Variants in MAGI1 observed in about 807,000 individuals in gnomAD.
MAGI1 encodes the protein membrane associated guanylate kinase, WW and PDZ domain containing 1.
MAGI1 carries 58 observed loss-of-function variants against 139.9 expected under a neutral mutation model. The observed-to-expected ratio is 0.41, with a 90% CI of 0.34 to 0.52. The LOEUF (loss-of-function observed/expected upper bound fraction) is 0.52, where lower values mean the gene tolerates loss of function less well. Among genes scored for constraint, MAGI1 ranks in the 20% least tolerant of loss-of-function variants. MAGI1 has a pLI of 0.12. For missense variants in MAGI1, 1,874 were observed against 1,901.6 expected (o/e 0.99, Z 0.27); for synonymous variants, 812 against 737.9 (o/e 1.10, Z -1.63).
chr3:65,493,412 T>A (rs1432605053), intron 3 of MAGI1, 100 bp downstream of exon 3: 3 of 1,422,544 alleles, frequency 2.1e-6, no homozygotes, highest in Non-Finnish European at 2.9e-6. Context: ...GTTATTTGTT[T>A]AGACCTCCAG....
At chr3:65,379,064 T>G (rs886190079) in intron 17 of MAGI1, 197 bp downstream of exon 17, 1 of 1,142,154 alleles carries the variant, frequency 8.8e-7, no homozygotes, top group African/African-American at 1.5e-5. Context: ...GTTGAAAGGG[T>G]TGAACAAATA....
chr3:65,945,985 A>G (rs1213403972), intron 1 of MAGI1, among the ~76,000 whole-genome samples: 1 of 152,232 alleles, frequency 6.6e-6, no homozygotes, highest in East Asian at 1.9e-4. Context: ...TATTTATTAA[A>G]TAAATTCCCT....
intron 1 of MAGI1, among the ~76,000 whole-genome samples, chr3:65,710,554 G>A (rs2031246506): frequency 6.6e-6 from 1 of 152,176 alleles, no homozygotes; most frequent in East Asian, 1.9e-4. Flanking sequence ...TGGGATTACA[G>A]GCGTGAGCCA....
intron 1 of MAGI1, among the ~76,000 whole-genome samples, chr3:65,843,231 T>C (rs980173958): frequency 2.0e-5 from 3 of 152,136 alleles, no homozygotes; most frequent in African/African-American, 7.2e-5. Context: ...CCTAGAAGGA[T>C]CCACATGCCA....
At chr3:65,761,422 G>GT (rs2107880040) in intron 1 of MAGI1, among the ~76,000 whole-genome samples, 1 of 152,222 alleles carries the variant, frequency 6.6e-6, no homozygotes, top group South Asian at 2.1e-4. Context: ...AATAGACCTA[G>GT]TACCAGTCTT....
At chr3:65,637,584 G>C (rs1576558558) in intron 1 of MAGI1, among the ~76,000 whole-genome samples, 2 of 149,694 alleles carry the variant, frequency 1.3e-5, no homozygotes, top group African/African-American at 5.0e-5. Flanking sequence ...AAGAAAGAAA[G>C]AAAGAAAGAA....
chr3:65,477,646 T>C (rs374276195), intron 4 of MAGI1, among the ~76,000 whole-genome samples: 1 of 151,960 alleles, frequency 6.6e-6, no homozygotes, highest in Non-Finnish European at 1.5e-5. Flanking sequence ...GTAAAAAATA[T>C]TCTTGAGCTC....
chr3:65,814,870 T>A (rs1575591289), intron 1 of MAGI1, among the ~76,000 whole-genome samples: 1 of 152,270 alleles, frequency 6.6e-6, no homozygotes, highest in East Asian at 1.9e-4. Context: ...TTGCTAAGAG[T>A]GTTGGCATTT....
At chr3:65,850,369 G>A (rs2059159876) in intron 1 of MAGI1, among the ~76,000 whole-genome samples, 1 of 151,978 alleles carries the variant, frequency 6.6e-6, no homozygotes, top group African/African-American at 2.4e-5. Context: ...GGCGCTTTCT[G>A]GGTTTTAAAA....
rs187873245 is a variant in MAGI1 at position 65,747,112 on chromosome 3, G to C, written c.314-125024C>G. ...GGCCAGGAAGTCAAAGCCAGCCTGA[G>C]CAACAAAGTAAGACCGTGTCTCAGT... is the stretch of plus-strand genomic sequence containing the variant. On this transcript the variant is annotated intron_variant, in intron 1 of 22. Transcript: ENST00000402939. Among the ~76,000 whole-genome samples, 658 of 152,312 alleles carry C rather than the reference G, an allele frequency of 4.3e-3. 5 individuals carry two copies. The highest frequency in any genetic ancestry group is 0.015 in the African/African-American group (631 of 41,572).
intron 22 of MAGI1, chr3:65,360,395 T>G: frequency 1.0e-6 from 1 of 963,600 alleles, no homozygotes; most frequent in Middle Eastern, 5.4e-4. Context: ...CTCAAATAAA[T>G]AGGACATAAT....
intron 1 of MAGI1, among the ~76,000 whole-genome samples, chr3:66,020,401 G>A (rs959344985): frequency 2.0e-5 from 3 of 152,142 alleles, no homozygotes; most frequent in Non-Finnish European, 4.4e-5. Context: ...TTACACTCCA[G>A]CCTCGGTGAC....
rs148503713 is a variant in MAGI1 at position 65,876,468 on chromosome 3, C to T, written c.313+161528G>A. ...AGACGGGAAAAAAGTGTGGGTTTTACGGAGTAAAACAAAATTAAATCCTCA... is the reference window on the plus strand; with the variant it reads ...AGACGGGAAAAAAGTGTGGGTTTTATGGAGTAAAACAAAATTAAATCCTCA... On this transcript the variant is annotated intron_variant, in intron 1 of 22. Coordinates refer to ENST00000402939, the MANE Select transcript of MAGI1 (RefSeq NM_001033057.2). Among the ~76,000 whole-genome samples the T allele has an allele frequency of 1.0e-3, 153 of 152,040 alleles. 1 individual carries two copies. The highest frequency in any genetic ancestry group is 3.6e-3 in the African/African-American group (151 of 41,448).
In MAGI1 at chr3:65,365,130, G is replaced by A. The variant is rs1041664246; in HGVS notation, c.3197-184C>T. On this transcript the variant is annotated intron_variant, in intron 18 of 22. Coordinates refer to ENST00000402939, the MANE Select transcript of MAGI1 (RefSeq NM_001033057.2). ...AAACCATTTTAAGATCTTCTCTGATGTGGGTCATGTATGTCCCCATGACCC... is the reference window on the plus strand; with the variant it reads ...AAACCATTTTAAGATCTTCTCTGATATGGGTCATGTATGTCCCCATGACCC... 6 of 753,370 alleles carry A rather than the reference G, an allele frequency of 8.0e-6. No homozygotes were observed. The African/African-American group carries it at 8.5e-5, about 11-fold the overall frequency. The allele number at this position is 753,370 out of a possible 1,614,324, so 46.7% of individuals were successfully genotyped here.
At chr3:65,631,111 T>A (rs1640333027) in intron 1 of MAGI1, among the ~76,000 whole-genome samples, 2 of 152,160 alleles carry the variant, frequency 1.3e-5, no homozygotes, top group Admixed American at 1.3e-4. Flanking sequence ...AGTCCTGAAG[T>A]AGCCTAGACT....
chr3:65,942,031 C>A (rs2063339095), intron 1 of MAGI1, among the ~76,000 whole-genome samples: 1 of 152,212 alleles, frequency 6.6e-6, no homozygotes, highest in South Asian at 2.1e-4. Context: ...AAGTGATCCG[C>A]CTGCCTTGGC....
intron 3 of MAGI1, among the ~76,000 whole-genome samples, chr3:65,490,189 T>A (rs1951904171): frequency 6.6e-6 from 1 of 152,218 alleles, no homozygotes; most frequent in African/African-American, 2.4e-5. Context: ...CTAAGCCCTT[T>A]CCAATTATTG....
intron 1 of MAGI1, among the ~76,000 whole-genome samples, chr3:65,670,261 TC>T (rs1179641958): frequency 6.6e-6 from 1 of 152,108 alleles, no homozygotes; most frequent in East Asian, 1.9e-4. Flanking sequence ...TTGTGTACTT[TC>T]CAGGAACTTT....
At chr3:65,899,842 C>A (rs1490884412) in intron 1 of MAGI1, among the ~76,000 whole-genome samples, 2 of 151,992 alleles carry the variant, frequency 1.3e-5, no homozygotes, top group Non-Finnish European at 2.9e-5. Flanking sequence ...TAAAATAAAC[C>A]CTTCCTGATG....
Sources: allele counts gnomAD v4.1 joint callset (sites outside exome capture counted in the v4.1 genomes callset), GRCh38; gene constraint gnomAD v4.1.1; transcripts MANE v1.5; gene names NCBI Gene and HGNC (gene_info 2026-07-23, HGNC 2026-07-21).